The following MAP7 variants were observed in gnomAD, a reference collection of about 807,000 sequenced individuals.
The protein encoded by MAP7 is ensconsin.
Under a neutral mutation model 94.8 loss-of-function variants are expected in MAP7, and 52 were observed. The observed-to-expected ratio is 0.55, with a 90% CI of 0.44 to 0.69. The LOEUF is 0.69. Among genes scored for constraint, MAP7 ranks in the 30% least tolerant of loss-of-function variants. The pLI is 0.00. For missense variants in MAP7, 940 were observed against 964.6 expected, an observed-to-expected ratio of 0.97 and a Z score of 0.34; for synonymous variants, 350 against 357.0, an observed-to-expected ratio of 0.98 and a Z score of 0.22.
chr6:136,444,082 C>T (rs1798652003), intron 1 of MAP7, among the ~76,000 whole-genome samples: 15 of 152,054 alleles, frequency 9.9e-5, no homozygotes, highest in Admixed American at 9.2e-4. Context: ...TTTTTAAGTC[C>T]ACTGTGTATT....
At chr6:136,429,128 C>A (rs892637616) in intron 1 of MAP7, among the ~76,000 whole-genome samples, 1 of 151,990 alleles carries the variant, frequency 6.6e-6, no homozygotes, top group Non-Finnish European at 1.5e-5. Flanking sequence ...GGGTAGTGTG[C>A]TAAACACCTC....
chr6:136,397,709 C>T (rs1303167013), intron 3 of MAP7, among the ~76,000 whole-genome samples: 1 of 152,186 alleles, frequency 6.6e-6, no homozygotes. Context: ...TGAACTTGAT[C>T]TTGGACTGCA....
intron 2 of MAP7, among the ~76,000 whole-genome samples, chr6:136,413,848 C>T (rs1788311600): frequency 1.3e-5 from 2 of 152,038 alleles, no homozygotes. Context: ...TTGAACTTTA[C>T]AGAATTTGTA....
At chr6:136,402,635 G>A (rs1462905936) in intron 3 of MAP7, among the ~76,000 whole-genome samples, 2 of 152,136 alleles carry the variant, frequency 1.3e-5, no homozygotes, top group Non-Finnish European at 2.9e-5. Context: ...TGCCGGGCAC[G>A]GTGGCTCACG....
intron 1 of MAP7, among the ~76,000 whole-genome samples, chr6:136,473,112 T>C (rs1209250096): frequency 6.6e-6 from 1 of 152,222 alleles, no homozygotes; most frequent in Non-Finnish European, 1.5e-5. Flanking sequence ...ATCACCTCTG[T>C]TAAATCTTCC....
intron 1 of MAP7, among the ~76,000 whole-genome samples, chr6:136,523,429 T>C (rs1826966571): frequency 6.6e-6 from 1 of 152,226 alleles, no homozygotes; most frequent in African/African-American, 2.4e-5. Flanking sequence ...CTAGCTATAT[T>C]TCAAGCTCTG....
At chr6:136,473,462 T>C (rs1413182034) in intron 1 of MAP7, among the ~76,000 whole-genome samples, 4 of 152,232 alleles carry the variant, frequency 2.6e-5, no homozygotes, top group African/African-American at 9.6e-5. Flanking sequence ...TTTTGAAGTA[T>C]AAATATGTAC....
At chr6:136,507,809 G>T (rs1054640926) in intron 1 of MAP7, among the ~76,000 whole-genome samples, 1 of 152,210 alleles carries the variant, frequency 6.6e-6, no homozygotes, top group East Asian at 1.9e-4. Flanking sequence ...CACAGAAATT[G>T]TAAGTACTTT....
intron 1 of MAP7, among the ~76,000 whole-genome samples, chr6:136,422,734 T>G (rs1791773054): frequency 6.6e-6 from 1 of 152,240 alleles, no homozygotes; most frequent in South Asian, 2.1e-4. Context: ...TAAAAATAAT[T>G]TTTTGAAAAT....
chr6:136,525,226 G>A (rs1457158902), intron 1 of MAP7, among the ~76,000 whole-genome samples: 5 of 152,108 alleles, frequency 3.3e-5, no homozygotes, highest in South Asian at 4.2e-4. Context: ...TGCCATACAC[G>A]AATTCAGTTA....
chr6:136,365,678 A>T (rs976311641), intron 10 of MAP7, 57 bp downstream of exon 10: 17 of 1,552,404 alleles, frequency 1.1e-5, no homozygotes, highest in Non-Finnish European at 7.8e-6. Flanking sequence ...AAGCTTCATC[A>T]AAACAGTGCG....
At chr6:136,515,890 A>T (rs1443286736) in intron 1 of MAP7, among the ~76,000 whole-genome samples, 2 of 152,184 alleles carry the variant, frequency 1.3e-5, no homozygotes, top group Non-Finnish European at 1.5e-5. Flanking sequence ...GACTTCCTTG[A>T]TATAGGGTTG....
At chr6:136,498,079 G>A (rs1168945386) in intron 1 of MAP7, among the ~76,000 whole-genome samples, 1 of 151,918 alleles carries the variant, frequency 6.6e-6, no homozygotes, top group Non-Finnish European at 1.5e-5. Context: ...CTTTTCTTAG[G>A]TCATGTGTCC....
chr6:136,389,640 A>G (rs1780151656), intron 3 of MAP7, 123 bp from the exon 4 acceptor site: 2 of 824,596 alleles, frequency 2.4e-6, no homozygotes, highest in Non-Finnish European at 3.8e-6. Context: ...TTAGTTTTGT[A>G]TTAACCAAGC....
chr6:136,436,035 C>T (rs758570509), intron 1 of MAP7, among the ~76,000 whole-genome samples: 1 of 152,030 alleles, frequency 6.6e-6, no homozygotes, highest in Admixed American at 6.6e-5. Flanking sequence ...ATATGAACTT[C>T]TGGAACATAA....
At chr6:136,530,373 A>G (rs1309476820) in intron 1 of MAP7, among the ~76,000 whole-genome samples, 1 of 152,260 alleles carries the variant, frequency 6.6e-6, no homozygotes, top group Non-Finnish European at 1.5e-5. Flanking sequence ...AGAGATGGTT[A>G]ATTCTTCAAA....
intron 1 of MAP7, among the ~76,000 whole-genome samples, chr6:136,492,921 T>A (rs1451838786): frequency 6.6e-6 from 1 of 152,132 alleles, no homozygotes; most frequent in Admixed American, 6.5e-5. Flanking sequence ...TATATTTGTA[T>A]AATTTTATTA....
chr6:136,503,980 C>T (rs1272256458), intron 1 of MAP7, among the ~76,000 whole-genome samples: 2 of 152,198 alleles, frequency 1.3e-5, no homozygotes, highest in African/African-American at 4.8e-5. Context: ...CTTCTCCATT[C>T]ATCAGTTGGG....
chr6:136,490,487 TA>T (rs1204621638), intron 1 of MAP7, among the ~76,000 whole-genome samples: 1 of 137,894 alleles, frequency 7.3e-6, no homozygotes, highest in Non-Finnish European at 1.5e-5. Flanking sequence ...CTTTTCTCAA[TA>T]ATTCAAGCCA....
Sources: allele counts gnomAD v4.1 joint callset (sites outside exome capture counted in the v4.1 genomes callset), GRCh38; gene constraint gnomAD v4.1.1; transcripts MANE v1.5; gene names NCBI Gene and HGNC (gene_info 2026-07-23, HGNC 2026-07-21).